ABRACL: variants seen among roughly 807,000 people sequenced by gnomAD.
ABRACL encodes the protein ABRA C-terminal like.
ABRACL carries 4 observed loss-of-function variants against 7.0 expected under a neutral mutation model. The ratio of observed to expected loss-of-function variants is 0.57; its 90% CI spans 0.28 to 1.30. The LOEUF is 1.30. Among genes scored for constraint, ABRACL ranks in the 50% most tolerant of loss-of-function variants. ABRACL has a pLI of 0.10. For synonymous variants in ABRACL, 30 were observed against 36.0 expected (o/e 0.83, Z 0.60); for missense variants, 104 against 97.3 (o/e 1.07, Z -0.29).
chr6:139,042,459 T>C (rs1196806279), intron 2 of ABRACL, among the ~76,000 whole-genome samples: 2 of 152,260 alleles, frequency 1.3e-5, no homozygotes, highest in Non-Finnish European at 1.5e-5. Flanking sequence ...GTATTAGCAC[T>C]GTAGCACATT....
chr6:139,041,451 C>CTCTATATA (rs140091253), intron 2 of ABRACL, among the ~76,000 whole-genome samples: 33 of 110,036 alleles, frequency 3.0e-4, no homozygotes, highest in Middle Eastern at 4.9e-3. Context: ...CTCTCTCTCT[C>CTCTATATA]TATATATATA....
Position 139,034,283 on chromosome 6 carries a change from C to A in ABRACL, c.61+62C>A, listed in dbSNP as rs545566455. 1.5e-3 allele frequency: 2,481 copies of A among 1,613,932 alleles called. 40 individuals are homozygous for A. In the South Asian group the frequency reaches 0.026, roughly 17 times the overall value. On this transcript the variant is annotated intron_variant, in intron 2 of 2. Coordinates refer to ENST00000367660, the MANE Select transcript of ABRACL (RefSeq NM_021243.3). Reference sequence around the variant, plus strand: ...TTTACCTTGGAACAGGTGAGACTGGCATGCTGGAGAAGCCTATGAAGGGGT... The same window carrying A: ...TTTACCTTGGAACAGGTGAGACTGGAATGCTGGAGAAGCCTATGAAGGGGT...
intron 1 of ABRACL, among the ~76,000 whole-genome samples, chr6:139,031,004 T>A (rs956658730): frequency 3.3e-5 from 5 of 152,214 alleles, no homozygotes; most frequent in African/African-American, 1.2e-4. Flanking sequence ...ATATAATAGA[T>A]GAATTTCCCC....
intron 1 of ABRACL, among the ~76,000 whole-genome samples, 191 bp from the exon 2 acceptor site, chr6:139,033,964 G>A (rs1360476884): frequency 6.6e-6 from 1 of 151,862 alleles, no homozygotes; most frequent in Non-Finnish European, 1.5e-5. Context: ...AGCTGAGGGG[G>A]CGGTTACAAA....
chr6:139,041,966 G>A lies in ABRACL; in HGVS notation c.62-753G>A, dbSNP rs543919888. ...TCCTCCCCTCACTGTGATGGCCATC[G>A]TCTTGACAGTGGGTGTAACCTTGGA... On this transcript the variant is annotated intron_variant, in intron 2 of 2. Transcript: ENST00000367660. Among the ~76,000 whole-genome samples the A allele has an allele frequency of 2.6e-5, 4 of 152,196 alleles. No homozygotes were observed. The East Asian group carries it at 5.8e-4, about 22-fold the overall frequency.
chr6:139,034,164 A>G lies in ABRACL; in HGVS notation c.4A>G (p.Asn2Asp). ...TTTTTTTCTCTCCCAGGCAGCAATGAATGTGGATCACGAGGTTAACCTCTT... is the reference window on the plus strand; with the variant it reads ...TTTTTTTCTCTCCCAGGCAGCAATGGATGTGGATCACGAGGTTAACCTCTT... Reference protein sequence around the residue: MNVDHEVNLLVE... With the variant: MDVDHEVNLLVE... Residue 2 changes from asparagine (N) to aspartate (D), a missense_variant, in exon 2 of 3, where the codon AAT (asparagine) becomes GAT (aspartate). Asn to Asp is a conservative substitution (Grantham distance 23, BLOSUM62 1). Transcript: ENST00000367660. The G allele has an allele frequency of 6.2e-7, 1 of 1,614,204 alleles. No individual in the cohort carries two copies. The highest frequency in any genetic ancestry group is 8.5e-7 in the Non-Finnish European group (1 of 1,180,034).
At chr6:139,039,853 T>C (rs1452841654) in intron 2 of ABRACL, among the ~76,000 whole-genome samples, 1 of 152,176 alleles carries the variant, frequency 6.6e-6, no homozygotes, top group Non-Finnish European at 1.5e-5. Context: ...GGCTCACACC[T>C]GTAATCCCAG....
intron 2 of ABRACL, among the ~76,000 whole-genome samples, chr6:139,041,531 A>ATTTTT (rs1554211161): frequency 0.017 from 2,194 of 125,968 alleles, 70 homozygotes; most frequent in East Asian, 0.043. Context: ...ATATATATAT[A>ATTTTT]TTTTTTTTTA....
chr6:139,041,451 C>CTCTCTCTATA lies in ABRACL; in HGVS notation c.62-1267_62-1266insCTCTCTATAT, dbSNP rs140091253. On this transcript the variant is annotated intron_variant, in intron 2 of 2. Transcript: ENST00000367660. ...TCTCTCTCTCTCTCTCTCTCTCTCT[C>CTCTCTCTATA]TATATATATATATATATATTTCTAT... is the stretch of plus-strand genomic sequence containing the variant. Among the ~76,000 whole-genome samples, 988 of 110,014 alleles carry CTCTCTCTATA rather than the reference C, an allele frequency of 9.0e-3. 8 individuals are homozygous for CTCTCTCTATA. Among genetic ancestry groups the CTCTCTCTATA allele is most frequent in the Non-Finnish European group, 0.014 (805 of 56,170 alleles). 72.2% of individuals were successfully genotyped at this position (110,014 alleles called of 152,430 possible).
rs1006164739 is a variant in ABRACL at position 139,028,768 on chromosome 6, A to T, written c.-114A>T. On this transcript the variant is annotated 5_prime_UTR_variant, in exon 1 of 3. Transcript: ENST00000367660. ...CCACAGCCGTCTTTCTCTTTGCCTC[A>T]GCCACTTCCTTCCTTGGCCTCACCC... The T allele has an allele frequency of 2.0e-5, 3 of 153,164 alleles. No homozygotes were observed. In the East Asian group the frequency reaches 5.8e-4, roughly 29 times the overall value. 9.5% of individuals were successfully genotyped at this position (153,164 alleles called of 1,614,324 possible). A position where few individuals can be genotyped will look rare whatever the true frequency, so the allele number is the denominator to read the frequency against.
chr6:139,032,777 T>C (rs983252518), intron 1 of ABRACL, among the ~76,000 whole-genome samples: 5 of 152,234 alleles, frequency 3.3e-5, no homozygotes, highest in African/African-American at 1.2e-4. Context: ...TTCTACCCAG[T>C]TGCTCATACT....
chr6:139,034,608 T>A, intron 2 of ABRACL: 1 of 469,082 alleles, frequency 2.1e-6, no homozygotes, highest in East Asian at 3.5e-5. Context: ...TTTTTTCAAA[T>A]CATCTTATCT....
chr6:139,029,051 C>T (rs1232311587), intron 1 of ABRACL, among the ~76,000 whole-genome samples, 176 bp downstream of exon 1: 3 of 152,006 alleles, frequency 2.0e-5, no homozygotes, highest in Non-Finnish European at 4.4e-5. Flanking sequence ...GTTGGGGTCC[C>T]GTGGGGCGCG....
chr6:139,033,638 CAGTCCTCCCCAGTGACCTCCAGGA>C (rs1786113151), intron 1 of ABRACL, among the ~76,000 whole-genome samples: 1 of 152,188 alleles, frequency 6.6e-6, no homozygotes, highest in South Asian at 2.1e-4. Flanking sequence ...CTGGCTGGAC[CAGTCCTCCCCAGTGACCTCCAGGA>C]AGCCTCCTGC....
chr6:139,034,617 C>A, intron 2 of ABRACL: 1 of 440,674 alleles, frequency 2.3e-6, no homozygotes, highest in Non-Finnish European at 4.0e-6. Flanking sequence ...ATCATCTTAT[C>A]TAAAATATCA....
At chr6:139,034,556 C>G in intron 2 of ABRACL, 1 of 815,580 alleles carries the variant, frequency 1.2e-6, no homozygotes, top group African/African-American at 1.7e-5. Flanking sequence ...TATTAAAATT[C>G]ATGTTTTCTG....
chr6:139,036,498 A>G (rs1786158451), intron 2 of ABRACL, among the ~76,000 whole-genome samples: 1 of 152,180 alleles, frequency 6.6e-6, no homozygotes, highest in South Asian at 2.1e-4. Context: ...AAATGTACCA[A>G]GAAATGATAA....
At chr6:139,034,656 G>T in intron 2 of ABRACL, 2 of 327,556 alleles carry the variant, frequency 6.1e-6, no homozygotes, top group Non-Finnish European at 5.6e-6. Context: ...AATGACTAGG[G>T]ATTTACATTG....
At chr6:139,029,694 G>T (rs1786050573) in intron 1 of ABRACL, among the ~76,000 whole-genome samples, 4 of 152,196 alleles carry the variant, frequency 2.6e-5, no homozygotes, top group Admixed American at 2.0e-4. Context: ...TGGAGTGAGC[G>T]CGCCCCAGAC....
Sources: allele counts gnomAD v4.1 joint callset (sites outside exome capture counted in the v4.1 genomes callset), GRCh38; gene constraint gnomAD v4.1.1; transcripts MANE v1.5; gene names NCBI Gene and HGNC (gene_info 2026-07-23, HGNC 2026-07-21).